RRM1: variants seen among roughly 807,000 people sequenced by gnomAD.
RRM1 encodes ribonucleotide reductase catalytic subunit M1.
In RRM1, 19 loss-of-function variants were observed where a neutral mutation model predicts 101.5. The observed-to-expected ratio is 0.19, with a 90% CI of 0.13 to 0.27. The LOEUF (loss-of-function observed/expected upper bound fraction) is 0.27, where lower values mean the gene tolerates loss of function less well. Ranked by LOEUF, RRM1 falls within the 10% of genes least tolerant of loss-of-function variation. The pLI is 1.00. For synonymous variants in RRM1, 298 were observed against 323.4 expected, an observed-to-expected ratio of 0.92 and a Z score of 0.84; for missense variants, 500 against 962.9, an observed-to-expected ratio of 0.52 and a Z score of 6.36.
Position 4,111,892 on chromosome 11 carries a change from G to A in RRM1, c.488-8G>A. 1 of 1,610,098 alleles carries A rather than the reference G, an allele frequency of 6.2e-7. No individual in the cohort carries two copies. Among genetic ancestry groups the A allele is most frequent in the Non-Finnish European group, 8.5e-7 (1 of 1,177,986 alleles). ...CTCATCATGTGAAAACTCCTCTTTTGTCTATAGTGGCTGAAAGACCACAAC... is the reference window on the plus strand; with the variant it reads ...CTCATCATGTGAAAACTCCTCTTTTATCTATAGTGGCTGAAAGACCACAAC... On this transcript the variant is annotated splice_region_variant and splice_polypyrimidine_tract_variant and intron_variant, in intron 6 of 18. Transcript: ENST00000300738.
At chr11:4,097,748 C>T (rs774784686) in intron 1 of RRM1, among the ~76,000 whole-genome samples, 10 of 152,112 alleles carry the variant, frequency 6.6e-5, no homozygotes, top group East Asian at 1.9e-4. Flanking sequence ...TGTGCCACCA[C>T]GCCTGGCTAG....
At chr11:4,108,974 A>G (rs2094561930) in intron 4 of RRM1, among the ~76,000 whole-genome samples, 1 of 152,150 alleles carries the variant, frequency 6.6e-6, no homozygotes, top group Admixed American at 6.6e-5. Context: ...TTTTCTCTCC[A>G]AAATGATTAT....
At chr11:4,119,371 C>T (rs1399130707) in intron 8 of RRM1, among the ~76,000 whole-genome samples, 1 of 152,178 alleles carries the variant, frequency 6.6e-6, no homozygotes, top group Non-Finnish European at 1.5e-5. Context: ...TAACATCATT[C>T]TAGAGTCCAC....
chr11:4,111,317 A>G (rs2094565189), intron 5 of RRM1, among the ~76,000 whole-genome samples: 1 of 151,956 alleles, frequency 6.6e-6, no homozygotes, highest in Non-Finnish European at 1.5e-5. Flanking sequence ...AGCCTGAGGC[A>G]GGAGAATGGC....
At position 4,132,431 on chromosome 11, in the gene RRM1, T is replaced by C; in HGVS notation, c.1905+10T>C. The C allele has an allele frequency of 6.2e-7, 1 of 1,613,958 alleles. No homozygotes were observed. Among genetic ancestry groups the C allele is most frequent in the Non-Finnish European group, 8.5e-7 (1 of 1,179,944 alleles). ...GTCAGGAGAATTTCAGGTGAGCAGT[T>C]CACAACCAGCCTTACAGGGAGATCT... On this transcript the variant is annotated intron_variant, in intron 16 of 18. Transcript: ENST00000300738. This position sits in a 1 kb window ranked among gnomAD's most constrained non-coding sequence, Gnocchi z 4.1.
chr11:4,095,562 CT>C (rs1281902182), intron 1 of RRM1, among the ~76,000 whole-genome samples: 1 of 152,126 alleles, frequency 6.6e-6, no homozygotes, highest in African/African-American at 2.4e-5. Context: ...TTACTGATCT[CT>C]TTTGTGGGGT....
intron 14 of RRM1, 123 bp downstream of exon 14, chr11:4,127,379 C>G (rs770077827): frequency 9.9e-5 from 56 of 566,140 alleles, no homozygotes; most frequent in Non-Finnish European, 1.4e-4. Flanking sequence ...TCATTTGGTT[C>G]AAAAAAAGGT....
At position 4,102,036 on chromosome 11, in the gene RRM1, A is replaced by G; in HGVS notation, c.63A>G (p.Arg21=). Residue 21 remains arginine (R), a synonymous_variant, in exon 2 of 19, where the codon CGA becomes CGG. Transcript: ENST00000300738. ...ERVMFDKITS[R]IQKLCYGLNM... Reference sequence around the variant, plus strand: ...TCATGTTTGACAAAATTACATCTCGAATCCAGAAGCTTTGTTATGGACTCA... The same window carrying G: ...TCATGTTTGACAAAATTACATCTCGGATCCAGAAGCTTTGTTATGGACTCA... 6.2e-7 allele frequency: 1 copy of G among 1,606,788 alleles called. No homozygotes were observed. The highest frequency in any genetic ancestry group is 8.5e-7 in the Non-Finnish European group (1 of 1,174,654).
At chr11:4,134,994 G>A (rs762232007) in intron 17 of RRM1, 88 bp from the exon 18 acceptor site, 211 of 971,904 alleles carry the variant, frequency 2.2e-4, no homozygotes, top group Non-Finnish European at 2.9e-4. Context: ...GAAGTAAAAT[G>A]AAGATCAAAG....
Position 4,101,557 on chromosome 11 carries a change from A to ACCGC in RRM1, c.20-435_20-434insCGCC, listed in dbSNP as rs200112921. On this transcript the variant is annotated intron_variant, in intron 1 of 18. Transcript: ENST00000300738. ...TCGAACTCCTGACCTCCAGTGATCC[A>ACCGC]CACCCCCCCCCGCTCCCTTGGCCTC... 4.6e-5 allele frequency among the ~76,000 whole-genome samples: 2 copies of ACCGC among 43,632 alleles called. 1 individual carries two copies. The highest frequency in any genetic ancestry group is 1.4e-4 in the African/African-American group (2 of 14,322). The allele number at this position is 43,632 out of a possible 152,430, so 28.6% of individuals were successfully genotyped here. A position where few individuals can be genotyped will look rare whatever the true frequency, so the allele number is the denominator to read the frequency against.
At chr11:4,138,170 A>G in intron 18 of RRM1, 25 bp from the exon 19 acceptor site, 3 of 1,362,758 alleles carry the variant, frequency 2.2e-6, no homozygotes, top group Middle Eastern at 1.9e-4. Context: ...GTTTCTCCTA[A>G]TAATTGTCTT....
chr11:4,126,631 C>T, intron 12 of RRM1, 53 bp from the exon 13 acceptor site: 3 of 1,548,542 alleles, frequency 1.9e-6, no homozygotes, highest in African/African-American at 1.4e-5. Flanking sequence ...GTAATTGACA[C>T]AGGAAGTAGA....
At chr11:4,133,743 A>G in intron 17 of RRM1, 85 bp downstream of exon 17, 1 of 743,976 alleles carries the variant, frequency 1.3e-6, no homozygotes, top group Admixed American at 2.4e-5. Flanking sequence ...AATGGAGAGA[A>G]TGACTTCATT....
chr11:4,112,120 A>G (rs993919083), intron 7 of RRM1, 58 bp downstream of exon 7: 1 of 1,341,516 alleles, frequency 7.5e-7, no homozygotes, highest in African/African-American at 1.5e-5. Flanking sequence ...CAGTTAGTTC[A>G]TCACATAAAA....
chr11:4,116,899 C>T (rs115351063), intron 7 of RRM1, among the ~76,000 whole-genome samples: 11 of 150,164 alleles, frequency 7.3e-5, no homozygotes, highest in Non-Finnish European at 1.5e-4. Context: ...CCCAGGAGGT[C>T]AAAGCTGCTG....
chr11:4,113,019 G>A lies in RRM1; in HGVS notation c.650+957G>A, dbSNP rs189549073. 3.9e-4 allele frequency among the ~76,000 whole-genome samples: 59 copies of A among 152,090 alleles called. No individual in the cohort carries two copies. In the East Asian group the frequency reaches 6.4e-3, roughly 16 times the overall value. ...AGGCTGTCAAATTGACAGAATATGGGTCAAGAATGGTTCTTGCATTTATGG... is the reference window on the plus strand; with the variant it reads ...AGGCTGTCAAATTGACAGAATATGGATCAAGAATGGTTCTTGCATTTATGG... On this transcript the variant is annotated intron_variant, in intron 7 of 18. Transcript: ENST00000300738.
Position 4,113,523 on chromosome 11 carries a change from C to A in RRM1, c.650+1461C>A, listed in dbSNP as rs144423933. ...GGATATAGGTTCAATATACATCAATCAGTTATGTTTCTGTACTTTAGCTGT... is the reference window on the plus strand; with the variant it reads ...GGATATAGGTTCAATATACATCAATAAGTTATGTTTCTGTACTTTAGCTGT... On this transcript the variant is annotated intron_variant, in intron 7 of 18. Transcript: ENST00000300738. Among the ~76,000 whole-genome samples, 1,341 of 152,304 alleles carry A rather than the reference C, an allele frequency of 8.8e-3. 25 individuals carry two copies. The highest frequency in any genetic ancestry group is 0.031 in the African/African-American group (1,270 of 41,542).
At chr11:4,131,275 ACCT>A (rs372869050) in intron 15 of RRM1, among the ~76,000 whole-genome samples, 1 of 152,170 alleles carries the variant, frequency 6.6e-6, no homozygotes, top group African/African-American at 2.4e-5. Flanking sequence ...CATGAGGGTA[ACCT>A]CCTCTGTGAT....
At position 4,097,438 on chromosome 11, in the gene RRM1, T is replaced by C. The variant is rs145818586; in HGVS notation, c.19+2407T>C. ...ATTCAGCAAGACTTAATATACAACATGTACTTAGATTTGTTTGTTTCTTTT... is the reference window on the plus strand; with the variant it reads ...ATTCAGCAAGACTTAATATACAACACGTACTTAGATTTGTTTGTTTCTTTT... On this transcript the variant is annotated intron_variant, in intron 1 of 18. Transcript: ENST00000300738. Among the ~76,000 whole-genome samples, 13 of 152,096 alleles carry C rather than the reference T, an allele frequency of 8.5e-5. No individual in the cohort carries two copies. In the East Asian group the frequency reaches 1.9e-3, roughly 23 times the overall value.
Sources: gnomAD v4.1 joint callset for allele counts (sites outside exome capture counted in the v4.1 genomes callset) on GRCh38, gnomAD v4.1.1 for gene constraint, Gnocchi (gnomAD v3.1) non-coding constraint, MANE v1.5 for transcripts, NCBI Gene and HGNC (gene_info 2026-07-23, HGNC 2026-07-21) for gene names.